CDH23: variants seen among roughly 807,000 people sequenced by gnomAD.
CDH23 encodes cadherin related 23.
CDH23 carries 189 observed loss-of-function variants against 317.1 expected under a neutral mutation model. That is an observed-to-expected ratio of 0.60 (90% CI 0.53 to 0.67). The LOEUF (loss-of-function observed/expected upper bound fraction) is 0.67, where lower values mean the gene tolerates loss of function less well. Among genes scored for constraint, CDH23 ranks in the 30% least tolerant of loss-of-function variants. The pLI is 0.00. For synonymous variants in CDH23, 1,839 were observed against 1,876.8 expected (o/e 0.98, Z 0.52); for missense variants, 4,401 against 4,592.4 (o/e 0.96, Z 1.20).
chr10:71,672,407 G>A (rs1338628864), intron 14 of CDH23, among the ~76,000 whole-genome samples: 1 of 152,090 alleles, frequency 6.6e-6, no homozygotes, highest in African/African-American at 2.4e-5. Flanking sequence ...AAGGCCCAAG[G>A]TCAGTGCTGC....
chr10:71,592,071 G>A (rs1165142190), intron 9 of CDH23, among the ~76,000 whole-genome samples: 1 of 152,164 alleles, frequency 6.6e-6, no homozygotes. Context: ...TGACCAGACT[G>A]CAGAAAGGGA....
At chr10:71,811,827 C>T in intron 65 of CDH23, 74 bp downstream of exon 65, 2 of 1,573,388 alleles carry the variant, frequency 1.3e-6, no homozygotes, top group African/African-American at 1.3e-5. Flanking sequence ...ACCGGAGCCA[C>T]AAGCCTGGCT....
intron 9 of CDH23, among the ~76,000 whole-genome samples, chr10:71,613,732 C>T (rs552875817): frequency 4.2e-4 from 64 of 152,304 alleles, no homozygotes; most frequent in African/African-American, 1.5e-3. Flanking sequence ...ATGCAGATCC[C>T]TTTAGAGTTG....
rs1444489957 is a variant in CDH23 at position 71,798,554 on chromosome 10, G to C, written c.7030G>C (p.Val2344Leu). Residue 2344 changes from valine (V) to leucine (L), a missense_variant, in exon 50 of 70, where the codon GTC becomes CTC. Physicochemically the swap from Val to Leu is conservative, Grantham distance 32 (BLOSUM62 1). This residue lies in a region of CDH23 where 189 missense variants were observed against 250.9 expected (regional missense o/e 0.75). Coordinates refer to ENST00000224721, the MANE Select transcript of CDH23 (RefSeq NM_022124.6). ...GCTGGACCTGGTGCCCCCAGGGTAT[G>C]TCCAGCTGGAGGACTCCTCGGCAGG... is the stretch of plus-strand genomic sequence containing the variant. ...TLLDLVPPGY[V>L]QLEDSSAGKV... 6.2e-7 allele frequency: 1 copy of C among 1,612,462 alleles called. No individual in the cohort carries two copies. Among genetic ancestry groups the C allele is most frequent in the South Asian group, 1.1e-5 (1 of 90,986 alleles).
chr10:71,639,668 G>C (rs1246642489), intron 11 of CDH23, among the ~76,000 whole-genome samples: 1 of 152,194 alleles, frequency 6.6e-6, no homozygotes, highest in Non-Finnish European at 1.5e-5. Flanking sequence ...CTTTCTCCAA[G>C]AAAAGGAGTG....
chr10:71,469,160 T>A (rs1851392167), intron 3 of CDH23, among the ~76,000 whole-genome samples: 1 of 152,280 alleles, frequency 6.6e-6, no homozygotes, highest in East Asian at 1.9e-4. Context: ...AATTGACATA[T>A]GATAGACTGC....
intron 32 of CDH23, 118 bp downstream of exon 32, chr10:71,732,493 G>A (rs1370673114): frequency 2.1e-6 from 3 of 1,432,182 alleles, no homozygotes; most frequent in African/African-American, 1.4e-5. Flanking sequence ...ATGGCCAAGT[G>A]TGGTGTTAGG....
intron 3 of CDH23, among the ~76,000 whole-genome samples, chr10:71,473,757 G>T (rs1186688998): frequency 6.6e-6 from 1 of 152,206 alleles, no homozygotes; most frequent in African/African-American, 2.4e-5. Context: ...AGCTCTAGAC[G>T]TGGGGCCAGG....
intron 6 of CDH23, among the ~76,000 whole-genome samples, chr10:71,538,190 A>G (rs561150013): frequency 7.9e-5 from 12 of 152,354 alleles, no homozygotes; most frequent in African/African-American, 1.9e-4. Context: ...AACAACTACG[A>G]AAGTGATCAA....
intron 9 of CDH23, among the ~76,000 whole-genome samples, chr10:71,599,451 A>G (rs1860072346): frequency 1.3e-5 from 2 of 152,122 alleles, no homozygotes; most frequent in Admixed American, 1.3e-4. Context: ...TGCATTTTTG[A>G]AAGTCCTTAT....
rs749845368 is a variant in CDH23 at position 71,793,556 on chromosome 10, C to G, written c.6628C>G (p.His2210Asp). 6.2e-7 allele frequency: 1 copy of G among 1,613,250 alleles called. No homozygotes were observed. The highest frequency in any genetic ancestry group is 1.1e-5 in the South Asian group (1 of 91,062). ...DHDLNPKLEY[H>D]IVGIVAKDDT... Reference sequence around the variant, plus strand: ...CGACCTCAACCCAAAGCTAGAGTACCACATTGTCGGCATTGTGGCCAAGGA... The same window carrying G: ...CGACCTCAACCCAAAGCTAGAGTACGACATTGTCGGCATTGTGGCCAAGGA... The change falls in exon 48 of 70, where the codon CAC (histidine) becomes GAC (aspartate). Residue 2210 changes from histidine (H) to aspartate (D), a missense_variant. By Grantham distance (81) the His-to-Asp change is moderately conservative (BLOSUM62 -1). Coordinates refer to ENST00000224721, the MANE Select transcript of CDH23 (RefSeq NM_022124.6).
intron 1 of CDH23, among the ~76,000 whole-genome samples, chr10:71,423,277 C>T (rs1848896265): frequency 6.6e-6 from 1 of 152,128 alleles, no homozygotes; most frequent in Non-Finnish European, 1.5e-5. Flanking sequence ...CTGGTAAAAT[C>T]AGAGGAGACT....
chr10:71,570,233 A>G (rs1201845469), intron 7 of CDH23, among the ~76,000 whole-genome samples: 1 of 152,142 alleles, frequency 6.6e-6, no homozygotes. Context: ...TCCCCAGCCC[A>G]AAGCAAGGGA....
At chr10:71,645,143 A>G (rs1862771116) in intron 12 of CDH23, among the ~76,000 whole-genome samples, 1 of 152,152 alleles carries the variant, frequency 6.6e-6, no homozygotes, top group South Asian at 2.1e-4. Context: ...TGAGTGAGGC[A>G]CCCACCTCCC....
rs1860604699 is a variant in CDH23, at chr10:71,607,545, C to A, written c.833-7959C>A. On this transcript the variant is annotated intron_variant, in intron 9 of 69. Transcript: ENST00000224721. ...TCTATGTTGGCCATTGTGGGGCATG[C>A]CCCTCACAACTCTGGGTGAGAGGGG... Among the ~76,000 whole-genome samples, 2 of 152,220 alleles carry A rather than the reference C, an allele frequency of 1.3e-5. 1 individual carries two copies. Among genetic ancestry groups the A allele is most frequent in the South Asian group, 4.1e-4 (2 of 4,832 alleles).
chr10:71,501,633 G>A (rs1303824141), intron 3 of CDH23, among the ~76,000 whole-genome samples: 7 of 152,224 alleles, frequency 4.6e-5, no homozygotes, highest in Admixed American at 3.3e-4. Context: ...GGGCATTTGA[G>A]AGACTGAAGG....
chr10:71,531,150 C>T (rs1855353148), intron 6 of CDH23, among the ~76,000 whole-genome samples: 2 of 152,222 alleles, frequency 1.3e-5, no homozygotes, highest in Admixed American at 6.5e-5. Flanking sequence ...GAGGCTGCCA[C>T]GGGGTTGAAC....
chr10:71,654,975 G>A (rs180746890), intron 14 of CDH23, among the ~76,000 whole-genome samples: 128 of 152,244 alleles, frequency 8.4e-4, no homozygotes, highest in African/African-American at 2.9e-3. Context: ...TGGAGAGAAC[G>A]TCCAAGAATT....
chr10:71,763,705 T>C (rs1038501969), intron 38 of CDH23, among the ~76,000 whole-genome samples: 1 of 152,184 alleles, frequency 6.6e-6, no homozygotes, highest in Admixed American at 6.5e-5. Flanking sequence ...CAACGGTTAG[T>C]AATAATTCAC....
Sources: gnomAD v4.1 joint callset for allele counts (sites outside exome capture counted in the v4.1 genomes callset) on GRCh38, gnomAD v4.1.1 for gene constraint, gnomAD v4.1.1 regional missense constraint, MANE v1.5 for transcripts, NCBI Gene and HGNC (gene_info 2026-07-23, HGNC 2026-07-21) for gene names.